Variants in NINJ2 observed in about 807,000 individuals in gnomAD.
NINJ2 encodes ninjurin 2.
Under a neutral mutation model 11.7 loss-of-function variants are expected in NINJ2, and 12 were observed. The observed-to-expected ratio is 1.02, with a 90% CI of 0.66 to 1.66. The LOEUF (loss-of-function observed/expected upper bound fraction) is 1.66. Ranked by LOEUF, NINJ2 falls within the 40% of genes most tolerant of loss-of-function variation. The pLI, the probability that NINJ2 is intolerant of heterozygous loss-of-function variation, is 0.00. For missense variants in NINJ2, 187 were observed against 181.8 expected, an observed-to-expected ratio of 1.03 and a Z score of -0.16; for synonymous variants, 93 against 76.8, an observed-to-expected ratio of 1.21 and a Z score of -1.10.
chr12:582,943 GTGAA>G (rs1947578807), intron 1 of NINJ2, among the ~76,000 whole-genome samples: 2 of 32,540 alleles, frequency 6.1e-5, no homozygotes, highest in South Asian at 4.2e-3. Context: ...GCATGCTAGA[GTGAA>G]TGAATGAATG....
At chr12:599,248 G>A (rs950455317) in intron 1 of NINJ2, among the ~76,000 whole-genome samples, 16 of 152,016 alleles carry the variant, frequency 1.1e-4, no homozygotes, top group African/African-American at 2.7e-4. Flanking sequence ...GCCAGGTGTG[G>A]TGGCAGGCGC....
At position 580,933 on chromosome 12, in the gene NINJ2, CCTGTGTGT is replaced by C. The variant is rs1448667830; in HGVS notation, c.34-14763_34-14756del. Among the ~76,000 whole-genome samples, 1 of 145,134 alleles carries C rather than the reference CCTGTGTGT, an allele frequency of 6.9e-6. No individual in the cohort carries two copies. The highest frequency in any genetic ancestry group is 1.5e-5 in the Non-Finnish European group (1 of 65,896). ...GTGTCTGTATGTTTGTGTGTGTGTG[CCTGTGTGT>C]CTGTGTGTATTCATGTGTGTTTGTG... is the stretch of plus-strand genomic sequence containing the variant. On this transcript the variant is annotated intron_variant, in intron 1 of 3. Coordinates refer to ENST00000305108, the MANE Select transcript of NINJ2 (RefSeq NM_016533.6). The surrounding 1 kb of genome is among the most constrained non-coding windows in gnomAD (Gnocchi z 4.7).
At chr12:653,343 G>C (rs1284806595) in intron 1 of NINJ2, among the ~76,000 whole-genome samples, 1 of 151,954 alleles carries the variant, frequency 6.6e-6, no homozygotes, top group Non-Finnish European at 1.5e-5. Context: ...CTAACAGTTT[G>C]TTCAAAATGA....
At chr12:578,499 G>C (rs1947502173) in intron 1 of NINJ2, among the ~76,000 whole-genome samples, 1 of 151,994 alleles carries the variant, frequency 6.6e-6, no homozygotes, top group African/African-American at 2.4e-5. Context: ...AACGTTTTTT[G>C]TAGGAATGTG....
Position 566,158 on chromosome 12 carries a change from C to T in NINJ2, c.54G>A (p.Arg18=), listed in dbSNP as rs1224462692. 7 of 1,613,686 alleles carry T rather than the reference C, an allele frequency of 4.3e-6. No individual in the cohort carries two copies. In the East Asian group the frequency reaches 1.3e-4, roughly 31 times the overall value. The change falls in exon 2 of 4, where the codon AGG becomes AGA. Residue 18 remains arginine, a synonymous_variant. Transcript: ENST00000305108. ...IDLQPGSSDP[R]SQPINLNHYA... ...AATGGTTCAGGTTGATGGGCTGGCT[C>T]CTGGGGTCGGAGCTTCCAGGCTGTA... is the stretch of plus-strand genomic sequence containing the variant.
At chr12:595,754 AG>A (rs1353120582) in intron 1 of NINJ2, among the ~76,000 whole-genome samples, 1 of 152,066 alleles carries the variant, frequency 6.6e-6, no homozygotes, top group Non-Finnish European at 1.5e-5. Context: ...ACTCCGTCTT[AG>A]GGGGAAAAAA....
At chr12:663,291 C>T in intron 1 of NINJ2, 37 bp downstream of exon 1, 5 of 1,595,450 alleles carry the variant, frequency 3.1e-6, no homozygotes, top group Non-Finnish European at 4.3e-6. Flanking sequence ...ACCTCTACTC[C>T]CGGTCTCCCC....
In NINJ2 at chr12:662,409, C is replaced by CGAGAGAGAGAGAGAGAGAGAGAGA. The variant is rs111778018; in HGVS notation, c.33+895_33+918dup. ...CCCTGCCCAAAACACACACAGAGAA[C>CGAGAGAGAGAGAGAGAGAGAGAGA]GAGAGAGAGAGAGAGAGAGAGAGAC... On this transcript the variant is annotated intron_variant, in intron 1 of 3. Transcript: ENST00000305108. Among the ~76,000 whole-genome samples the CGAGAGAGAGAGAGAGAGAGAGAGA allele has an allele frequency of 2.2e-3, 323 of 147,500 alleles. 1 individual carries two copies. The highest frequency in any genetic ancestry group is 3.5e-3 in the Middle Eastern group (1 of 282).
At chr12:629,896 A>AAT (rs1160871577) in intron 1 of NINJ2, among the ~76,000 whole-genome samples, 186 of 9,892 alleles carry the variant, frequency 0.019, 15 homozygotes, top group Middle Eastern at 0.25. Flanking sequence ...AAAAAAAAAA[A>AAT]ATATATATAT....
At chr12:592,037 G>A (rs1947723769) in intron 1 of NINJ2, among the ~76,000 whole-genome samples, 1 of 151,968 alleles carries the variant, frequency 6.6e-6, no homozygotes, top group African/African-American at 2.4e-5. Flanking sequence ...CGCATATCTT[G>A]TTTGCATTCT....
At chr12:630,821 G>C (rs956382832) in intron 1 of NINJ2, 1 of 152,316 alleles carries the variant, frequency 6.6e-6, no homozygotes, top group African/African-American at 2.4e-5. Context: ...GCCCGGCCTC[G>C]TGCCCCTCCC....
chr12:641,235 A>G (rs7303000), intron 1 of NINJ2, among the ~76,000 whole-genome samples: 82,712 of 151,906 alleles, frequency 0.54, 22,825 homozygotes, highest in African/African-American at 0.63. Flanking sequence ...GAACAGCCCT[A>G]CCTTCCCACT....
intron 1 of NINJ2, among the ~76,000 whole-genome samples, chr12:634,265 C>CTGTTTTTTTTTTTTTTTTTT (rs1948317221): frequency 1.7e-5 from 1 of 59,480 alleles, no homozygotes; most frequent in Non-Finnish European, 3.1e-5. Context: ...AGTTGCAGTT[C>CTGTTTTTTTTTTTTTTTTTT]TTTTTTTTTT....
intron 1 of NINJ2, among the ~76,000 whole-genome samples, chr12:654,749 G>A (rs554034501): frequency 3.8e-4 from 57 of 151,778 alleles, no homozygotes; most frequent in African/African-American, 1.2e-3. Context: ...AAAATTAGTC[G>A]GGCGTGGTGA....
chr12:583,587 C>A (rs1448042984), intron 1 of NINJ2, among the ~76,000 whole-genome samples: 1 of 152,240 alleles, frequency 6.6e-6, no homozygotes, highest in African/African-American at 2.4e-5. Context: ...GCAGCCAGGT[C>A]CAGCTTGGCC....
rs1387796338 is a variant in NINJ2, at chr12:614,469, G to A, written c.34-48291C>T. 6.6e-6 allele frequency among the ~76,000 whole-genome samples: 1 copy of A among 151,988 alleles called. No individual in the cohort carries two copies. The highest frequency in any genetic ancestry group is 2.4e-5 in the African/African-American group (1 of 41,368). ...GCCCAGGGGACATGGTGGGGTGGGGGTGGCGGTGTGCCTGTGTGCCCACGG... is the reference window on the plus strand; with the variant it reads ...GCCCAGGGGACATGGTGGGGTGGGGATGGCGGTGTGCCTGTGTGCCCACGG... On this transcript the variant is annotated intron_variant, in intron 1 of 3. Transcript: ENST00000305108. This position sits in a 1 kb window ranked among gnomAD's most constrained non-coding sequence, Gnocchi z 5.1.
At chr12:575,973 G>A (rs534316770) in intron 1 of NINJ2, among the ~76,000 whole-genome samples, 6 of 152,312 alleles carry the variant, frequency 3.9e-5, no homozygotes, top group Non-Finnish European at 7.3e-5. Flanking sequence ...AGCTGTAAAA[G>A]CCCAGACCCC....
At position 581,137 on chromosome 12, in the gene NINJ2, CTG is replaced by C. The variant is rs1301141091; in HGVS notation, c.34-14961_34-14960del. The stretch of plus-strand genomic sequence containing the variant: ...TCTGTGTGTGCGTGTCTCTGTGCCT[CTG>C]TGTGTGTGTGCATGTGTCTCTGTGT... On this transcript the variant is annotated intron_variant, in intron 1 of 3. Transcript: ENST00000305108. The surrounding 1 kb of genome is among the most constrained non-coding windows in gnomAD (Gnocchi z 4.9). 4.3e-5 allele frequency among the ~76,000 whole-genome samples: 6 copies of C among 140,908 alleles called. No individual in the cohort carries two copies. Among genetic ancestry groups the C allele is most frequent in the East Asian group, 4.2e-4 (2 of 4,720 alleles). The allele number at this position is 140,908 out of a possible 152,430, so 92.4% of individuals were successfully genotyped here. A position where few individuals can be genotyped will look rare whatever the true frequency, so the allele number is the denominator to read the frequency against.
chr12:588,455 A>C (rs1947673783), intron 1 of NINJ2, among the ~76,000 whole-genome samples: 1 of 152,222 alleles, frequency 6.6e-6, no homozygotes, highest in South Asian at 2.1e-4. Flanking sequence ...CGCTCATTTC[A>C]TGTCAAACCC....
Sources: gnomAD v4.1 joint callset for allele counts (sites outside exome capture counted in the v4.1 genomes callset) on GRCh38, gnomAD v4.1.1 for gene constraint, Gnocchi (gnomAD v3.1) non-coding constraint, MANE v1.5 for transcripts, NCBI Gene and HGNC (gene_info 2026-07-23, HGNC 2026-07-21) for gene names.